The following TANGO6 variants were observed in gnomAD, a reference collection of about 807,000 sequenced individuals.
TANGO6 encodes transport and golgi organization 6 homolog.
TANGO6 carries 90 observed loss-of-function variants against 114.2 expected under a neutral mutation model. The ratio of observed to expected loss-of-function variants is 0.79; its 90% CI spans 0.66 to 0.94. The LOEUF is 0.94. Among genes scored for constraint, TANGO6 ranks in the 40% least tolerant of loss-of-function variants. The pLI is 0.00. For missense variants in TANGO6, 1,274 were observed against 1,315.3 expected (o/e 0.97, Z 0.49); for synonymous variants, 477 against 509.8 (o/e 0.94, Z 0.87).
intron 9 of TANGO6, among the ~76,000 whole-genome samples, chr16:68,905,611 T>C (rs1010984471): frequency 6.6e-6 from 1 of 151,976 alleles, no homozygotes; most frequent in Non-Finnish European, 1.5e-5. Context: ...TCTTTGTCTC[T>C]TGTCAGAATA....
intron 14 of TANGO6, among the ~76,000 whole-genome samples, chr16:68,959,777 G>A (rs1033438064): frequency 1.3e-5 from 2 of 152,202 alleles, no homozygotes; most frequent in African/African-American, 4.8e-5. Context: ...AGGCCAGGTG[G>A]CAACTCTCCG....
intron 11 of TANGO6, among the ~76,000 whole-genome samples, chr16:68,917,195 G>A (rs1209191335): frequency 6.6e-6 from 1 of 152,040 alleles, no homozygotes; most frequent in Non-Finnish European, 1.5e-5. Context: ...CTTTCCCTTA[G>A]TAATATGCAT....
At chr16:69,043,529 A>C (rs1959806911) in intron 17 of TANGO6, among the ~76,000 whole-genome samples, 1 of 152,128 alleles carries the variant, frequency 6.6e-6, no homozygotes, top group Non-Finnish European at 1.5e-5. Context: ...TCTAGTCTGC[A>C]CTCACTGAAA....
chr16:69,055,438 C>T (rs1282088433), intron 17 of TANGO6, among the ~76,000 whole-genome samples: 1 of 152,160 alleles, frequency 6.6e-6, no homozygotes, highest in Non-Finnish European at 1.5e-5. Flanking sequence ...TGATGGTGGC[C>T]CAGTGTTATA....
At chr16:68,857,726 A>G (rs1409792629) in intron 1 of TANGO6, among the ~76,000 whole-genome samples, 1 of 152,164 alleles carries the variant, frequency 6.6e-6, no homozygotes, top group East Asian at 1.9e-4. Flanking sequence ...TAGGTATATA[A>G]TGGTATCTGG....
At chr16:68,973,809 G>A (rs910750681) in intron 14 of TANGO6, 7 of 563,586 alleles carry the variant, frequency 1.2e-5, no homozygotes, top group East Asian at 3.0e-5. Context: ...CTTAGAGATC[G>A]TATCAGGCTG....
intron 11 of TANGO6, among the ~76,000 whole-genome samples, chr16:68,917,207 C>T (rs150767572): frequency 1.4e-4 from 22 of 152,174 alleles, no homozygotes; most frequent in African/African-American, 4.6e-4. Context: ...AATATGCATT[C>T]GAGTTTCCTC....
intron 15 of TANGO6, among the ~76,000 whole-genome samples, chr16:69,000,107 A>G (rs915029724): frequency 6.6e-6 from 1 of 152,248 alleles, no homozygotes; most frequent in African/African-American, 2.4e-5. Context: ...CATAACAATT[A>G]TAATTATTAC....
chr16:68,952,601 A>G (rs554280624), intron 14 of TANGO6, among the ~76,000 whole-genome samples: 21 of 152,340 alleles, frequency 1.4e-4, no homozygotes, highest in African/African-American at 5.1e-4. Flanking sequence ...TGAAGCATCA[A>G]TTACCCCCTC....
intron 12 of TANGO6, among the ~76,000 whole-genome samples, chr16:68,927,183 T>C (rs1226424511): frequency 2.0e-5 from 3 of 152,198 alleles, no homozygotes; most frequent in Non-Finnish European, 4.4e-5. Context: ...CGTAGGGTAT[T>C]GGGTGAGAGT....
At chr16:68,868,361 C>G (rs1244335867) in intron 4 of TANGO6, among the ~76,000 whole-genome samples, 1 of 151,834 alleles carries the variant, frequency 6.6e-6, no homozygotes, top group Non-Finnish European at 1.5e-5. Flanking sequence ...CATTTAAAGT[C>G]AAATAGTTCT....
At chr16:68,963,184 C>G (rs1455303828) in intron 14 of TANGO6, among the ~76,000 whole-genome samples, 1 of 150,984 alleles carries the variant, frequency 6.6e-6, no homozygotes, top group African/African-American at 2.4e-5. Flanking sequence ...TGCAGTGATG[C>G]AATCTCAGCT....
At chr16:69,061,839 G>A (rs1319487220) in intron 17 of TANGO6, among the ~76,000 whole-genome samples, 1 of 152,130 alleles carries the variant, frequency 6.6e-6, no homozygotes, top group Non-Finnish European at 1.5e-5. Flanking sequence ...CTAAGACGGT[G>A]AAACCCCATC....
At chr16:68,886,885 G>A (rs1471182136) in intron 7 of TANGO6, among the ~76,000 whole-genome samples, 1 of 151,360 alleles carries the variant, frequency 6.6e-6, no homozygotes, top group African/African-American at 2.4e-5. Flanking sequence ...TCAGCTTACT[G>A]CAACCTCTGC....
At chr16:69,028,280 T>A (rs1959538350) in intron 16 of TANGO6, among the ~76,000 whole-genome samples, 1 of 152,138 alleles carries the variant, frequency 6.6e-6, no homozygotes, top group Non-Finnish European at 1.5e-5. Context: ...TTATTATTTT[T>A]AAATAATGGC....
chr16:68,945,991 C>T (rs994704747), intron 14 of TANGO6, among the ~76,000 whole-genome samples: 2 of 151,416 alleles, frequency 1.3e-5, no homozygotes, highest in Non-Finnish European at 3.0e-5. Context: ...AGCCTCTTTG[C>T]CCATTTTTAA....
In TANGO6 at chr16:69,083,494, G is replaced by A. The variant is rs199894000; in HGVS notation, c.3118G>A (p.Ala1040Thr). ...TGTCTCTCTCATGCAGGTGCTGAGCGCCGTCCTCAAGGATCTCTACCACCT... is the reference window on the plus strand; with the variant it reads ...TGTCTCTCTCATGCAGGTGCTGAGCACCGTCCTCAAGGATCTCTACCACCT... ...LSQKATEVLS[A>T]VLKDLYHLLK... Residue 1040 changes from alanine (A) to threonine (T), a missense_variant, in exon 18 of 18, where the codon GCC (alanine) becomes ACC (threonine). Physicochemically the swap from Ala to Thr is moderately conservative, Grantham distance 58. Transcript: ENST00000261778. The A allele has an allele frequency of 2.9e-5, 46 of 1,610,138 alleles. No homozygotes were observed. The South Asian group carries it at 3.1e-4, about 11-fold the overall frequency.
At chr16:68,847,860 C>T (rs7202753) in intron 1 of TANGO6, among the ~76,000 whole-genome samples, 5 of 151,798 alleles carry the variant, frequency 3.3e-5, no homozygotes, top group African/African-American at 9.7e-5. Context: ...ATTAGCTGGG[C>T]GTGGTGGCAT....
chr16:68,967,149 C>T (rs772548728), intron 14 of TANGO6, among the ~76,000 whole-genome samples: 2 of 152,202 alleles, frequency 1.3e-5, no homozygotes, highest in Non-Finnish European at 2.9e-5. Context: ...GAACAATGGC[C>T]CCCAACCTTT....
Sources: gnomAD v4.1 joint callset for allele counts (sites outside exome capture counted in the v4.1 genomes callset) on GRCh38, gnomAD v4.1.1 for gene constraint, MANE v1.5 for transcripts, NCBI Gene and HGNC (gene_info 2026-07-23, HGNC 2026-07-21) for gene names.